Variants in MAGI2 observed in about 807,000 individuals in gnomAD.
MAGI2 encodes membrane-associated guanylate kinase, WW and PDZ domain-containing protein 2.
A neutral mutation model predicts 133.3 loss-of-function variants in MAGI2; 35 were observed. The ratio of observed to expected loss-of-function variants is 0.26; its 90% CI spans 0.20 to 0.35. The LOEUF (loss-of-function observed/expected upper bound fraction) is 0.35. Among genes scored for constraint, MAGI2 ranks in the 10% least tolerant of loss-of-function variants. The pLI is 1.00. For missense variants in MAGI2, 1,636 were observed against 1,863.4 expected, an observed-to-expected ratio of 0.88 and a Z score of 2.25; for synonymous variants, 729 against 710.6, an observed-to-expected ratio of 1.03 and a Z score of -0.41.
chr7:79,115,866 T>G lies in MAGI2; in HGVS notation c.302-108660A>C, dbSNP rs938759071. ...TAAATGTTTTAAAGTTTTTTTTTTT[T>G]TTTTTTTTTTTTTTTTAAAGAAACA... On this transcript the variant is annotated intron_variant, in intron 1 of 21. Coordinates refer to ENST00000354212, the MANE Select transcript of MAGI2 (RefSeq NM_012301.4). Among the ~76,000 whole-genome samples the G allele has an allele frequency of 4.1e-4, 61 of 149,270 alleles. 2 individuals are homozygous for G. The highest frequency in any genetic ancestry group is 2.9e-3 in the East Asian group (15 of 5,140).
chr7:79,067,450 AT>A (rs1814469406), intron 1 of MAGI2, among the ~76,000 whole-genome samples: 1 of 152,126 alleles, frequency 6.6e-6, no homozygotes, highest in South Asian at 2.1e-4. Context: ...TTGCACATTG[AT>A]TTTGTATCCC....
intron 6 of MAGI2, among the ~76,000 whole-genome samples, chr7:78,432,372 T>A (rs1799877370): frequency 6.6e-6 from 1 of 152,092 alleles, no homozygotes; most frequent in Non-Finnish European, 1.5e-5. Context: ...TTTTTCAGAT[T>A]GTAGTTCTAA....
intron 2 of MAGI2, among the ~76,000 whole-genome samples, chr7:78,840,598 T>C (rs1039072468): frequency 6.6e-6 from 1 of 152,140 alleles, no homozygotes; most frequent in Non-Finnish European, 1.5e-5. Flanking sequence ...TATTCTTTAG[T>C]TGAGGAGCAA....
rs1554467985 is a variant in MAGI2 at position 79,387,093 on chromosome 7, C to CG, written c.301+65926_301+65927insC. Among the ~76,000 whole-genome samples the CG allele has an allele frequency of 1.4e-3, 101 of 73,806 alleles. 1 individual carries two copies. Among genetic ancestry groups the CG allele is most frequent in the African/African-American group, 6.9e-3 (86 of 12,390 alleles). 48.4% of individuals were successfully genotyped at this position (73,806 alleles called of 152,430 possible). A position where few individuals can be genotyped will look rare whatever the true frequency, so the allele number is the denominator to read the frequency against. On this transcript the variant is annotated intron_variant, in intron 1 of 21. Coordinates refer to ENST00000354212, the MANE Select transcript of MAGI2 (RefSeq NM_012301.4). ...CAGAGATGGCTCACAAATTTTTATG[C>CG]TTGTGTGTGTGTGTGTGTGTGTGTG...
intron 9 of MAGI2, among the ~76,000 whole-genome samples, chr7:78,267,975 C>G (rs868857609): frequency 6.6e-6 from 1 of 152,170 alleles, no homozygotes; most frequent in Non-Finnish European, 1.5e-5. Flanking sequence ...AGAGAATCAT[C>G]ACCAAAGATT....
chr7:79,098,943 C>T (rs1011567935), intron 1 of MAGI2, among the ~76,000 whole-genome samples: 1 of 151,480 alleles, frequency 6.6e-6, no homozygotes, highest in African/African-American at 2.5e-5. Flanking sequence ...TTTATATTTT[C>T]ACTTCACATT....
At position 78,410,413 on chromosome 7, in the gene MAGI2, T is replaced by C. The variant is rs1168563881; in HGVS notation, c.1046-41200A>G. 3.9e-5 allele frequency among the ~76,000 whole-genome samples: 6 copies of C among 152,076 alleles called. No individual in the cohort carries two copies. The East Asian group carries it at 1.2e-3, about 29-fold the overall frequency. On this transcript the variant is annotated intron_variant, in intron 6 of 21. Transcript: ENST00000354212. ...TTTGTCAACATGTCTTTCTCCCTTCTTAGATTAAATGATCCTAGAAGGCCA... is the reference window on the plus strand; with the variant it reads ...TTTGTCAACATGTCTTTCTCCCTTCCTAGATTAAATGATCCTAGAAGGCCA...
chr7:78,436,133 T>A (rs1229900287), intron 6 of MAGI2, among the ~76,000 whole-genome samples: 1 of 152,172 alleles, frequency 6.6e-6, no homozygotes, highest in Non-Finnish European at 1.5e-5. Context: ...ATGTTTATGT[T>A]TATACAGAGG....
intron 2 of MAGI2, among the ~76,000 whole-genome samples, chr7:78,966,025 T>C (rs78195268): frequency 0.026 from 4,013 of 152,112 alleles, 176 homozygotes; most frequent in African/African-American, 0.091. Flanking sequence ...TAATAGAGTA[T>C]AGTTTCCCCA....
chr7:78,612,129 AT>A (rs544035006), intron 3 of MAGI2, among the ~76,000 whole-genome samples: 11 of 151,708 alleles, frequency 7.3e-5, no homozygotes, highest in Admixed American at 3.3e-4. Flanking sequence ...TTAGGACACA[AT>A]TTTTTTTTCA....
At chr7:79,102,833 T>C (rs988988240) in intron 1 of MAGI2, among the ~76,000 whole-genome samples, 1 of 152,198 alleles carries the variant, frequency 6.6e-6, no homozygotes, top group Non-Finnish European at 1.5e-5. Context: ...CAAATACTAA[T>C]CTAGGTGTTG....
intron 1 of MAGI2, among the ~76,000 whole-genome samples, chr7:79,385,841 C>A (rs1209832976): frequency 6.6e-6 from 1 of 151,870 alleles, no homozygotes; most frequent in African/African-American, 2.4e-5. Context: ...ATTGTAGCTG[C>A]TCTTGTTACG....
At chr7:78,282,518 A>C (rs577115189) in intron 9 of MAGI2, among the ~76,000 whole-genome samples, 276 of 149,918 alleles carry the variant, frequency 1.8e-3, no homozygotes, top group Non-Finnish European at 3.3e-3. Context: ...TAAAGCCAAG[A>C]ATATTTACTA....
At chr7:79,282,039 GTGAAGA>G (rs1835680824) in intron 1 of MAGI2, among the ~76,000 whole-genome samples, 5 of 152,092 alleles carry the variant, frequency 3.3e-5, no homozygotes, top group Admixed American at 3.3e-4. Flanking sequence ...AGAAATCTGT[GTGAAGA>G]AAAGGGATCA....
At chr7:78,039,361 A>T (rs1810566559) in intron 21 of MAGI2, among the ~76,000 whole-genome samples, 1 of 152,232 alleles carries the variant, frequency 6.6e-6, no homozygotes, top group Non-Finnish European at 1.5e-5. Flanking sequence ...AAGACTAAGA[A>T]TACCAGATTC....
chr7:78,868,370 T>G (rs1794752902), intron 2 of MAGI2, among the ~76,000 whole-genome samples: 1 of 152,214 alleles, frequency 6.6e-6, no homozygotes, highest in African/African-American at 2.4e-5. Flanking sequence ...AGAGGGCAAG[T>G]AATATCCCTA....
Position 79,453,473 on chromosome 7 carries a change from G to C in MAGI2, c.-153C>G, listed in dbSNP as rs1586044528. ...TATTCGGTGCTTTCCCTCTTCTTTG[G>C]ATGGAGTGTGGACGAGGAATGGGGA... On this transcript the variant is annotated 5_prime_UTR_variant, in exon 1 of 22. The change creates a new upstream start codon in the 5' untranslated region. Coordinates refer to ENST00000354212, the MANE Select transcript of MAGI2 (RefSeq NM_012301.4). The C allele has an allele frequency of 2.1e-6, 3 of 1,454,206 alleles. No homozygotes were observed. In the East Asian group the frequency reaches 7.3e-5, roughly 35 times the overall value. 90.1% of individuals were successfully genotyped at this position (1,454,206 alleles called of 1,614,324 possible).
chr7:79,024,886 C>G (rs1206484512), intron 1 of MAGI2, among the ~76,000 whole-genome samples: 1 of 151,790 alleles, frequency 6.6e-6, no homozygotes, highest in Non-Finnish European at 1.5e-5. Flanking sequence ...GAAAAGGGAA[C>G]ACTTATGCAT....
intron 1 of MAGI2, among the ~76,000 whole-genome samples, chr7:79,053,439 T>C (rs1028862731): frequency 6.6e-6 from 1 of 152,176 alleles, no homozygotes; most frequent in African/African-American, 2.4e-5. Flanking sequence ...ATTCTTCATC[T>C]ATGAACACTC....
Sources: allele counts gnomAD v4.1 joint callset (sites outside exome capture counted in the v4.1 genomes callset), GRCh38; gene constraint gnomAD v4.1.1; transcripts MANE v1.5; gene names NCBI Gene and HGNC (gene_info 2026-07-23, HGNC 2026-07-21).